Variants in THSD4 observed in about 807,000 individuals in gnomAD.
The protein encoded by THSD4 is thrombospondin type-1 domain-containing protein 4.
A neutral mutation model predicts 119.0 loss-of-function variants in THSD4; 69 were observed. The ratio of observed to expected loss-of-function variants is 0.58; its 90% CI spans 0.48 to 0.71. THSD4 has a LOEUF of 0.71. THSD4 is among the 30% of genes least tolerant of loss of function. THSD4 has a pLI of 0.00. For missense variants in THSD4, 1,393 were observed against 1,391.1 expected, an observed-to-expected ratio of 1.00 and a Z score of -0.02; for synonymous variants, 524 against 540.4, an observed-to-expected ratio of 0.97 and a Z score of 0.42.
intron 2 of THSD4, among the ~76,000 whole-genome samples, chr15:71,144,814 G>T (rs2040640780): frequency 6.6e-6 from 1 of 152,172 alleles, no homozygotes. Flanking sequence ...GATGGATCTG[G>T]TTGGGAATTA....
At chr15:71,318,659 AT>A (rs1248953084) in intron 6 of THSD4, among the ~76,000 whole-genome samples, 1 of 152,172 alleles carries the variant, frequency 6.6e-6, no homozygotes, top group African/African-American at 2.4e-5. Context: ...CCCATCAGCA[AT>A]CAGAAGGGCC....
At chr15:71,458,818 C>A (rs2047374404) in intron 7 of THSD4, among the ~76,000 whole-genome samples, 1 of 152,192 alleles carries the variant, frequency 6.6e-6, no homozygotes, top group Non-Finnish European at 1.5e-5. Context: ...GAGGGCCATT[C>A]TTATTCTGTG....
chr15:71,608,819 T>G (rs1367448369), intron 7 of THSD4, among the ~76,000 whole-genome samples: 1 of 152,198 alleles, frequency 6.6e-6, no homozygotes, highest in Admixed American at 6.5e-5. Context: ...AATCATGCAG[T>G]GAGTATTCTA....
intron 8 of THSD4, among the ~76,000 whole-genome samples, chr15:71,708,829 G>A (rs781303420): frequency 6.6e-6 from 1 of 152,182 alleles, no homozygotes; most frequent in African/African-American, 2.4e-5. Context: ...GGGGCAAATA[G>A]CGTTGCCCTG....
intron 7 of THSD4, among the ~76,000 whole-genome samples, chr15:71,482,935 C>G (rs1325948166): frequency 6.6e-6 from 1 of 152,058 alleles, no homozygotes; most frequent in Non-Finnish European, 1.5e-5. Flanking sequence ...TAACTGCCAC[C>G]CTCCCCCACA....
chr15:71,228,100 C>A (rs1596279727), intron 4 of THSD4, among the ~76,000 whole-genome samples: 1 of 152,100 alleles, frequency 6.6e-6, no homozygotes, highest in Non-Finnish European at 1.5e-5. Flanking sequence ...GAAAAAGGGT[C>A]TTTTCAGATG....
At chr15:71,388,452 A>G (rs2046321425) in intron 6 of THSD4, among the ~76,000 whole-genome samples, 1 of 152,128 alleles carries the variant, frequency 6.6e-6, no homozygotes, top group Non-Finnish European at 1.5e-5. Flanking sequence ...TGATTTTTCC[A>G]TCTACCAGAA....
chr15:71,506,365 T>C (rs1248279631), intron 7 of THSD4, among the ~76,000 whole-genome samples: 1 of 152,206 alleles, frequency 6.6e-6, no homozygotes, highest in Non-Finnish European at 1.5e-5. Flanking sequence ...GGGTTAAGTA[T>C]TGGATTGTAC....
Position 71,741,491 on chromosome 15 carries a change from T to TCAAAA in THSD4, c.1906+3505_1906+3509dup, listed in dbSNP as rs1010956780. On this transcript the variant is annotated intron_variant, in intron 11 of 17. Coordinates refer to ENST00000261862, the MANE Select transcript of THSD4 (RefSeq NM_024817.3). ...CTGGGCAACAGAGCAAGACTCCGTC[T>TCAAAA]CAAAACAAAACAAAACAAAACAAAA... 2.0e-4 allele frequency among the ~76,000 whole-genome samples: 31 copies of TCAAAA among 152,040 alleles called. No homozygotes were observed. The South Asian group carries it at 2.1e-3, about 10-fold the overall frequency.
chr15:71,608,243 T>C (rs62022828), intron 7 of THSD4, among the ~76,000 whole-genome samples: 17,231 of 81,488 alleles, frequency 0.21, 1,447 homozygotes, highest in Non-Finnish European at 0.27. Context: ...AAAAAATATA[T>C]ATATATACAC....
At chr15:71,103,671 C>T (rs1220203490) in intron 1 of THSD4, among the ~76,000 whole-genome samples, 5 of 152,090 alleles carry the variant, frequency 3.3e-5, no homozygotes, top group Admixed American at 2.0e-4. Context: ...TAATTCCCCT[C>T]TCTTGGAATC....
At chr15:71,577,576 A>G (rs1484061344) in intron 7 of THSD4, among the ~76,000 whole-genome samples, 2 of 152,170 alleles carry the variant, frequency 1.3e-5, no homozygotes, top group South Asian at 2.1e-4. Context: ...TGAAGTACAT[A>G]CTATGAAATT....
At chr15:71,188,409 C>G (rs1301834181) in intron 3 of THSD4, among the ~76,000 whole-genome samples, 1 of 152,076 alleles carries the variant, frequency 6.6e-6, no homozygotes, top group East Asian at 1.9e-4. Flanking sequence ...ATGGGAGGGA[C>G]AGATCTGGAA....
At chr15:71,402,358 A>G (rs1449576931) in intron 6 of THSD4, among the ~76,000 whole-genome samples, 1 of 152,132 alleles carries the variant, frequency 6.6e-6, no homozygotes, top group Non-Finnish European at 1.5e-5. Context: ...ATTAATAACC[A>G]TTGCTTACAG....
Position 71,728,555 on chromosome 15 carries a change from G to A in THSD4, c.1364G>A (p.Arg455Lys). 1 of 1,614,086 alleles carries A rather than the reference G, an allele frequency of 6.2e-7. No homozygotes were observed. Among genetic ancestry groups the A allele is most frequent in the Non-Finnish European group, 8.5e-7 (1 of 1,179,984 alleles). The stretch of plus-strand genomic sequence containing the variant: ...GTCTGATTTTTCTCAACAGCCCTGA[G>A]AAGTCGTTCTGGACGCTCCATCATC... ...MYKSNNYLAL[R>K]SRSGRSIING... The change falls in exon 9 of 18, where the codon AGA (arginine) becomes AAA (lysine). Residue 455 changes from arginine to lysine, a missense_variant. Transcript: ENST00000261862.
intron 4 of THSD4, among the ~76,000 whole-genome samples, chr15:71,236,879 G>C (rs1470667157): frequency 1.3e-5 from 2 of 152,192 alleles, no homozygotes; most frequent in Non-Finnish European, 2.9e-5. Flanking sequence ...GAAGGAGAGG[G>C]TTGGAGGGCG....
At chr15:71,199,611 TGGTGTGTG>T (rs1427880054) in intron 3 of THSD4, among the ~76,000 whole-genome samples, 3 of 133,752 alleles carry the variant, frequency 2.2e-5, no homozygotes, top group African/African-American at 6.2e-5. Context: ...ATGGTGTGTG[TGGTGTGTG>T]GGTGTGTGGT....
chr15:71,138,290 G>A (rs994184734), intron 1 of THSD4, among the ~76,000 whole-genome samples: 5 of 152,090 alleles, frequency 3.3e-5, no homozygotes, highest in African/African-American at 1.2e-4. Flanking sequence ...GTGGGCACTC[G>A]CTCCCTATCA....
Position 71,747,018 on chromosome 15 carries a change from G to T in THSD4, c.2217G>T (p.Trp739Cys). The change falls in exon 13 of 18, where the codon TGG becomes TGT. Residue 739 changes from tryptophan (W) to cysteine (C), a missense_variant. By Grantham distance (215) the Trp-to-Cys change is radical. Coordinates refer to ENST00000261862, the MANE Select transcript of THSD4 (RefSeq NM_024817.3). ...STCQLKICSEWQIRTDWTSCS... is the reference protein window; with the variant it reads ...STCQLKICSECQIRTDWTSCS... Reference sequence around the variant, plus strand: ...GCCAACTCAAGATCTGCAGCGAGTGGCAGATCCGGACCGACTGGACCTCGG... The same window carrying T: ...GCCAACTCAAGATCTGCAGCGAGTGTCAGATCCGGACCGACTGGACCTCGG... 1 of 1,611,280 alleles carries T rather than the reference G, an allele frequency of 6.2e-7. No homozygotes were observed.
Sources: gnomAD v4.1 joint callset for allele counts (sites outside exome capture counted in the v4.1 genomes callset) on GRCh38, gnomAD v4.1.1 for gene constraint, MANE v1.5 for transcripts, NCBI Gene and HGNC (gene_info 2026-07-23, HGNC 2026-07-21) for gene names.